FRK: variants seen among roughly 807,000 people sequenced by gnomAD.
The protein encoded by FRK is fyn related Src family tyrosine kinase, also known as tyrosine-protein kinase FRK.
FRK carries 51 observed loss-of-function variants against 56.4 expected under a neutral mutation model. The observed-to-expected ratio is 0.90, with a 90% confidence interval of 0.72 to 1.14. FRK has a LOEUF of 1.14. Among genes scored for constraint, FRK ranks in the 50% most tolerant of loss-of-function variants. The pLI is 0.00. For synonymous variants in FRK, 245 were observed against 217.9 expected, an observed-to-expected ratio of 1.12 and a Z score of -1.10; for missense variants, 570 against 601.4, an observed-to-expected ratio of 0.95 and a Z score of 0.55.
chr6:115,958,458 T>C (rs1364227137), intron 4 of FRK, among the ~76,000 whole-genome samples: 1 of 151,748 alleles, frequency 6.6e-6, no homozygotes, highest in African/African-American at 2.4e-5. Flanking sequence ...TGAAACCATG[T>C]CTCTACTAAA....
At chr6:115,994,323 CT>C (rs1554230501) in intron 2 of FRK, among the ~76,000 whole-genome samples, 12,934 of 47,708 alleles carry the variant, frequency 0.27, 2,903 homozygotes, top group Non-Finnish European at 0.34. Context: ...ATCTCACAAC[CT>C]CCCCCCCCCC....
In FRK at chr6:115,943,113, T is replaced by C. The variant is rs1772264110; in HGVS notation, c.1213A>G (p.Ile405Val). Residue 405 changes from isoleucine to valine, a missense_variant, in exon 7 of 8, where the codon ATT becomes GTT. Transcript: ENST00000606080. ...TTAATGCTGAATTTATTACTACGAA[T>C]GGCTTCGGGCGCAGTCCACTTCACC... ...LPVKWTAPEA[I>V]RSNKFSIKSD... 1 of 1,613,500 alleles carries C rather than the reference T, an allele frequency of 6.2e-7. No homozygotes were observed. The highest frequency in any genetic ancestry group is 8.5e-7 in the Non-Finnish European group (1 of 1,179,690).
intron 2 of FRK, among the ~76,000 whole-genome samples, chr6:115,969,686 G>A (rs1192647971): frequency 6.6e-6 from 1 of 152,112 alleles, no homozygotes; most frequent in East Asian, 1.9e-4. Context: ...TGTTGTTTTG[G>A]TTTTGGTTTA....
At chr6:115,984,384 C>T (rs1774314140) in intron 2 of FRK, among the ~76,000 whole-genome samples, 1 of 152,016 alleles carries the variant, frequency 6.6e-6, no homozygotes, top group Admixed American at 6.6e-5. Flanking sequence ...CACACATTAT[C>T]TCAGTGAATT....
chr6:116,045,965 A>G (rs1452962882), intron 1 of FRK, among the ~76,000 whole-genome samples: 2 of 152,186 alleles, frequency 1.3e-5, no homozygotes, highest in Non-Finnish European at 2.9e-5. Context: ...AAACAACCCC[A>G]TCAAAAAGTG....
intron 4 of FRK, among the ~76,000 whole-genome samples, chr6:115,965,253 A>G (rs1203597885): frequency 1.6e-5 from 2 of 124,458 alleles, no homozygotes; most frequent in Admixed American, 8.9e-5. Flanking sequence ...ATGAACAGAC[A>G]CTTCTCAAAA....
rs1771975580 is a variant in FRK, at chr6:115,932,548, A to T, written c.*9866T>A. On this transcript the variant is annotated 3_prime_UTR_variant, in exon 8 of 8. Transcript: ENST00000606080. ...TTTCTCTTGAATTAAATGATGATGC[A>T]ATTTGAATAAGGTACCCAAATCATC... 6.6e-6 allele frequency: 1 copy of T among 152,184 alleles called. No individual in the cohort carries two copies. Among genetic ancestry groups the T allele is most frequent in the African/African-American group, 2.4e-5 (1 of 41,434 alleles). 9.4% of individuals were successfully genotyped at this position (152,184 alleles called of 1,614,324 possible). A position where few individuals can be genotyped will look rare whatever the true frequency, so the allele number is the denominator to read the frequency against.
chr6:116,028,105 C>A (rs570112868), intron 1 of FRK, among the ~76,000 whole-genome samples: 38 of 152,146 alleles, frequency 2.5e-4, no homozygotes, highest in Middle Eastern at 3.2e-3. Context: ...ACACACCAAG[C>A]ATTTCACCAG....
the FRK span, among the ~76,000 whole-genome samples, chr6:116,083,568 T>C: frequency 4.3e-4 from 66 of 152,300 alleles, 1 homozygote; most frequent in African/African-American, 1.6e-3. Flanking sequence ...CAAATTCTAA[T>C]ATACATTGGA....
intron 2 of FRK, among the ~76,000 whole-genome samples, chr6:115,987,162 C>T (rs113711612): frequency 2.7e-3 from 404 of 152,122 alleles, no homozygotes; most frequent in Non-Finnish European, 4.6e-3. Flanking sequence ...TGATTTTGCT[C>T]GCTATGTGCC....
At chr6:116,037,585 T>A (rs1301828099) in intron 1 of FRK, among the ~76,000 whole-genome samples, 2 of 152,192 alleles carry the variant, frequency 1.3e-5, no homozygotes, top group Non-Finnish European at 2.9e-5. Flanking sequence ...AATATCCACA[T>A]CCAGCCTTCC....
intron 1 of FRK, among the ~76,000 whole-genome samples, chr6:116,035,589 A>G (rs1776448213): frequency 6.6e-6 from 1 of 152,154 alleles, no homozygotes; most frequent in Admixed American, 6.6e-5. Context: ...CATGACAGCT[A>G]GTAAATTTGG....
intron 6 of FRK, among the ~76,000 whole-genome samples, chr6:115,943,902 A>G (rs1772312323): frequency 6.6e-6 from 1 of 152,220 alleles, no homozygotes; most frequent in Non-Finnish European, 1.5e-5. Context: ...AGTGAGTAAT[A>G]GTGGTTTAGG....
In FRK at chr6:115,938,400, A is replaced by G. The variant is rs1313246842; in HGVS notation, c.*4014T>C. 6.6e-6 allele frequency: 1 copy of G among 152,262 alleles called. No homozygotes were observed. The highest frequency in any genetic ancestry group is 1.5e-5 in the Non-Finnish European group (1 of 68,060). 9.4% of individuals were successfully genotyped at this position (152,262 alleles called of 1,614,324 possible). A position where few individuals can be genotyped will look rare whatever the true frequency, so the allele number is the denominator to read the frequency against. On this transcript the variant is annotated 3_prime_UTR_variant, in exon 8 of 8. Transcript: ENST00000606080. ...AAAGAACTAAAATCTATACCCTAAT[A>G]TCACAATTAAAAGTACTAGAGAAGC... is the stretch of plus-strand genomic sequence containing the variant.
At chr6:116,027,886 C>T (rs2114753778) in intron 1 of FRK, among the ~76,000 whole-genome samples, 1 of 150,904 alleles carries the variant, frequency 6.6e-6, no homozygotes, top group Non-Finnish European at 1.5e-5. Flanking sequence ...GTCAGAGATG[C>T]TGGCCAAAGG....
At chr6:116,019,048 G>C (rs1775763422) in intron 1 of FRK, among the ~76,000 whole-genome samples, 1 of 152,134 alleles carries the variant, frequency 6.6e-6, no homozygotes, top group African/African-American at 2.4e-5. Flanking sequence ...TCTTTGGATG[G>C]CAAGGCAAGG....
chr6:115,981,339 G>T (rs1414482029), intron 2 of FRK, among the ~76,000 whole-genome samples: 2 of 151,950 alleles, frequency 1.3e-5, no homozygotes, highest in African/African-American at 2.4e-5. Flanking sequence ...TTACTGATGA[G>T]AAAAACAAAA....
the FRK span, among the ~76,000 whole-genome samples, chr6:116,070,410 T>G: frequency 6.6e-5 from 10 of 152,156 alleles, no homozygotes; most frequent in Non-Finnish European, 1.3e-4. Context: ...CCATACAAGA[T>G]TCCAGGACTG....
rs77424475 is a variant in FRK, at chr6:116,011,890, T to C, written c.345-7892A>G. On this transcript the variant is annotated intron_variant, in intron 1 of 7. Transcript: ENST00000606080. ...GTCAAGGTAATTATTTCCCTCCCTTTCCACAAAACCTTCTTCGGCTCAGTA... is the reference window on the plus strand; with the variant it reads ...GTCAAGGTAATTATTTCCCTCCCTTCCCACAAAACCTTCTTCGGCTCAGTA... Among the ~76,000 whole-genome samples the C allele has an allele frequency of 3.4e-3, 518 of 152,270 alleles. 6 individuals carry two copies. Among genetic ancestry groups the C allele is most frequent in the African/African-American group, 0.012 (502 of 41,550 alleles).
Sources: gnomAD v4.1 joint callset for allele counts (sites outside exome capture counted in the v4.1 genomes callset) on GRCh38, gnomAD v4.1.1 for gene constraint, MANE v1.5 for transcripts, NCBI Gene and HGNC (gene_info 2026-07-23, HGNC 2026-07-21) for gene names.